The following SPIC variants were observed in gnomAD, a reference collection of about 807,000 sequenced individuals.
The protein encoded by SPIC is Spi-C transcription factor.
In SPIC, 9 loss-of-function variants were observed where a neutral mutation model predicts 16.7. The ratio of observed to expected loss-of-function variants is 0.54; its 90% CI spans 0.33 to 0.94. The LOEUF (loss-of-function observed/expected upper bound fraction) is 0.94, where lower values mean the gene tolerates loss of function less well. Among genes scored for constraint, SPIC ranks in the 40% least tolerant of loss-of-function variants. The probability of loss-of-function intolerance (pLI) is 0.03; values close to 1 mark genes in which losing one functional copy is unlikely to be tolerated. For missense variants in SPIC, 241 were observed against 285.8 expected, an observed-to-expected ratio of 0.84 and a Z score of 1.13; for synonymous variants, 97 against 102.9, an observed-to-expected ratio of 0.94 and a Z score of 0.35.
At position 101,475,481 on chromosome 12, in the gene SPIC, A is replaced by G. The variant is rs982935188; in HGVS notation, c.-99A>G. ...TCTGATATTAATGAAACATCTCTAT[A>G]AAGGGTTGAAGTGTCTTCCCGGTAA... is the stretch of plus-strand genomic sequence containing the variant. On this transcript the variant is annotated 5_prime_UTR_variant, in exon 1 of 6. The change creates a new upstream start codon in the 5' untranslated region. Coordinates refer to ENST00000551346, the MANE Select transcript of SPIC (RefSeq NM_152323.3). 2 of 152,196 alleles carry G rather than the reference A, an allele frequency of 1.3e-5. No individual in the cohort carries two copies. The highest frequency in any genetic ancestry group is 2.4e-5 in the African/African-American group (1 of 41,442). The allele number at this position is 152,196 out of a possible 1,614,324, so 9.4% of individuals were successfully genotyped here. A position where few individuals can be genotyped will look rare whatever the true frequency, so the allele number is the denominator to read the frequency against.
At chr12:101,476,041 A>G (rs778110994) in intron 1 of SPIC, among the ~76,000 whole-genome samples, 6 of 152,186 alleles carry the variant, frequency 3.9e-5, no homozygotes, top group Non-Finnish European at 8.8e-5. Flanking sequence ...GAGTAAACAC[A>G]TTGTGTTTGC....
intron 4 of SPIC, among the ~76,000 whole-genome samples, chr12:101,482,543 C>T (rs146915395): frequency 1.4e-4 from 21 of 152,236 alleles, no homozygotes; most frequent in Admixed American, 2.6e-4. Context: ...GCAATCCCTT[C>T]TTTCTTGTAG....
chr12:101,486,008 T>C (rs1873353740), intron 5 of SPIC, among the ~76,000 whole-genome samples: 1 of 152,180 alleles, frequency 6.6e-6, no homozygotes, highest in Non-Finnish European at 1.5e-5. Flanking sequence ...TTCACCATAT[T>C]GGCCAGGCTG....
At chr12:101,479,818 CTT>C (rs35835395) in intron 4 of SPIC, 124 bp downstream of exon 4, 4,568 of 359,308 alleles carry the variant, frequency 0.013, no homozygotes, top group East Asian at 0.025. Context: ...TTTTTTCTTT[CTT>C]TTTTTTTTTT....
chr12:101,484,505 C>T (rs1183257996), intron 5 of SPIC, among the ~76,000 whole-genome samples: 1 of 151,668 alleles, frequency 6.6e-6, no homozygotes, highest in African/African-American at 2.4e-5. Flanking sequence ...CACTGCACTC[C>T]AGCCTGGGTG....
intron 4 of SPIC, 146 bp from the exon 5 acceptor site, chr12:101,482,646 G>A (rs11110820): frequency 0.067 from 46,993 of 699,284 alleles, 3,710 homozygotes; most frequent in East Asian, 0.36. Context: ...GTGCTGCCCT[G>A]GGAGCTATCT....
Position 101,482,846 on chromosome 12 carries a change from A to G in SPIC, c.265A>G (p.Ile89Val), listed in dbSNP as rs775595914. 9 of 1,614,156 alleles carry G rather than the reference A, an allele frequency of 5.6e-6. No individual in the cohort carries two copies. In the South Asian group the frequency reaches 6.6e-5, roughly 12 times the overall value. ...AAATATTCATCAATCTCTGCAGAAC[A>G]TAACTGAAAACCAGCTGGTACAACC... ...EGNIHQSLQNITENQLVQPTL... is the reference protein window; with the variant it reads ...EGNIHQSLQNVTENQLVQPTL... Residue 89 changes from isoleucine (I) to valine (V), a missense_variant, in exon 5 of 6, where the codon ATA (isoleucine) becomes GTA (valine). Transcript: ENST00000551346.
intron 3 of SPIC, among the ~76,000 whole-genome samples, chr12:101,479,217 AAAG>A (rs1565831098): frequency 7.8e-6 from 1 of 128,224 alleles, no homozygotes; most frequent in Non-Finnish European, 1.7e-5. Flanking sequence ...AGAAAGAAAG[AAAG>A]AAGGAAAGAA....
chr12:101,482,742 G>A (rs759516422), intron 4 of SPIC, 50 bp from the exon 5 acceptor site: 3 of 1,540,080 alleles, frequency 1.9e-6, no homozygotes, highest in East Asian at 2.3e-5. Flanking sequence ...CCTATAATAG[G>A]GGGCAACAGG....
At chr12:101,479,195 AGAAAGAAAGAAAGAAAGAAAGAAAGAAG>A in intron 3 of SPIC, among the ~76,000 whole-genome samples, 1 of 124,132 alleles carries the variant, frequency 8.1e-6, no homozygotes, top group Admixed American at 8.5e-5. Context: ...AAAGAAAGAA[AGAAAGAAAGAAAGAAAGAAAGAAAGAAG>A]GAAAGAAAGA....
chr12:101,484,321 G>T (rs1873296608), intron 5 of SPIC, among the ~76,000 whole-genome samples: 1 of 151,668 alleles, frequency 6.6e-6, no homozygotes, highest in African/African-American at 2.4e-5. Context: ...ATCACCTGGG[G>T]TCAGGAGTTC....
intron 5 of SPIC, among the ~76,000 whole-genome samples, chr12:101,484,841 C>T (rs1873319262): frequency 6.6e-6 from 1 of 151,580 alleles, no homozygotes; most frequent in Non-Finnish European, 1.5e-5. Flanking sequence ...ACACTCCAGC[C>T]TGGGCGACAG....
intron 4 of SPIC, among the ~76,000 whole-genome samples, chr12:101,480,559 T>C (rs1465827011): frequency 6.6e-6 from 1 of 152,244 alleles, no homozygotes; most frequent in African/African-American, 2.4e-5. Flanking sequence ...GCGGTCTTCA[T>C]GGGATGAGGT....
intron 3 of SPIC, 35 bp downstream of exon 3, chr12:101,477,686 C>T: frequency 6.5e-7 from 1 of 1,544,974 alleles, no homozygotes; most frequent in Non-Finnish European, 8.9e-7. Context: ...TCTGCTGGTA[C>T]ATCAAATGGC....
chr12:101,480,419 G>A (rs980059011), intron 4 of SPIC, among the ~76,000 whole-genome samples: 1 of 152,166 alleles, frequency 6.6e-6, no homozygotes, highest in Admixed American at 6.5e-5. Flanking sequence ...CTCAAACTCA[G>A]TGTTATCTGC....
rs1873364556 is a variant in SPIC at position 101,486,324 on chromosome 12, C to T, written c.320-20C>T. The stretch of plus-strand genomic sequence containing the variant: ...GTTTACAGCCACGGTGGAGTTTGAC[C>T]TTGTTTCCCTTCATTTTAGGCAGGA... On this transcript the variant is annotated intron_variant, in intron 5 of 5. Coordinates refer to ENST00000551346, the MANE Select transcript of SPIC (RefSeq NM_152323.3). 1 of 1,588,546 alleles carries T rather than the reference C, an allele frequency of 6.3e-7. No individual in the cohort carries two copies. The highest frequency in any genetic ancestry group is 8.6e-7 in the Non-Finnish European group (1 of 1,168,342).
At chr12:101,483,497 G>A (rs1055550324) in intron 5 of SPIC, among the ~76,000 whole-genome samples, 6 of 152,056 alleles carry the variant, frequency 3.9e-5, no homozygotes, top group Middle Eastern at 3.4e-3. Flanking sequence ...TTTATTGATT[G>A]TTTTACAGTT....
chr12:101,480,631 G>A (rs1481086029), intron 4 of SPIC, among the ~76,000 whole-genome samples: 1 of 152,140 alleles, frequency 6.6e-6, no homozygotes, highest in Non-Finnish European at 1.5e-5. Context: ...CATGTCAAAT[G>A]TCCTTTTTCT....
At position 101,486,446 on chromosome 12, in the gene SPIC, A is replaced by G. The variant is rs1450016800; in HGVS notation, c.422A>G (p.Gln141Arg). Residue 141 changes from glutamine to arginine, a missense_variant, in exon 6 of 6, where the codon CAG (glutamine) becomes CGG (arginine). Physicochemically the swap from Gln to Arg is conservative, Grantham distance 43 (BLOSUM62 1). Coordinates refer to ENST00000551346, the MANE Select transcript of SPIC (RefSeq NM_152323.3). ...GTAGATAAAACCAAAGGCATCTTTC[A>G]GTTTGTATCAAAAAACAAAGAAAAA... ...QWVDKTKGIF[Q>R]FVSKNKEKLA... 5 of 1,614,204 alleles carry G rather than the reference A, an allele frequency of 3.1e-6. No individual in the cohort carries two copies. Among genetic ancestry groups the G allele is most frequent in the Non-Finnish European group, 4.2e-6 (5 of 1,180,032 alleles).
Sources: gnomAD v4.1 joint callset for allele counts (sites outside exome capture counted in the v4.1 genomes callset) on GRCh38, gnomAD v4.1.1 for gene constraint, MANE v1.5 for transcripts, NCBI Gene and HGNC (gene_info 2026-07-23, HGNC 2026-07-21) for gene names.